The following KCNH7 variants were observed in gnomAD, a reference collection of about 807,000 sequenced individuals.
The protein encoded by KCNH7 is voltage-gated inwardly rectifying potassium channel KCNH7.
In KCNH7, 49 loss-of-function variants were observed where a neutral mutation model predicts 120.8. The observed-to-expected ratio is 0.41, with a 90% CI of 0.32 to 0.51. The LOEUF (loss-of-function observed/expected upper bound fraction) is 0.51. KCNH7 is among the 20% of genes least tolerant of loss of function. The pLI is 0.38. For synonymous variants in KCNH7, 547 were observed against 516.1 expected (o/e 1.06, Z -0.81); for missense variants, 1,097 against 1,446.6 (o/e 0.76, Z 3.92).
At chr2:162,685,541 CAATGGCTCTATG>C (rs1412924169) in intron 2 of KCNH7, among the ~76,000 whole-genome samples, 2 of 151,952 alleles carry the variant, frequency 1.3e-5, no homozygotes, top group Non-Finnish European at 2.9e-5. Context: ...GGATTATTGG[CAATGGCTCTATG>C]ATGAAATCCC....
At chr2:162,407,397 G>T (rs1275978867) in intron 9 of KCNH7, among the ~76,000 whole-genome samples, 2 of 151,984 alleles carry the variant, frequency 1.3e-5, no homozygotes, top group African/African-American at 4.8e-5. Context: ...ATGAGATGTT[G>T]CACTGCTTTC....
chr2:162,614,918 T>G (rs1683093724), intron 2 of KCNH7, among the ~76,000 whole-genome samples: 1 of 152,014 alleles, frequency 6.6e-6, no homozygotes, highest in Admixed American at 6.6e-5. Context: ...CATTTTTGCA[T>G]GTTTAAAATA....
In KCNH7 at chr2:162,601,872, T is replaced by C. The variant is rs1300679373; in HGVS notation, c.308-64792A>G. ...ATTTCCATTCATGTTCTCTGACAAA[T>C]GGATTAATGTCAATTTTAAGAATAA... On this transcript the variant is annotated intron_variant, in intron 2 of 15. Transcript: ENST00000332142. Among the ~76,000 whole-genome samples, 3 of 152,156 alleles carry C rather than the reference T, an allele frequency of 2.0e-5. No individual in the cohort carries two copies. In the East Asian group the frequency reaches 5.8e-4, roughly 29 times the overall value.
intron 2 of KCNH7, among the ~76,000 whole-genome samples, chr2:162,550,353 G>A (rs956770146): frequency 1.2e-4 from 18 of 152,098 alleles, no homozygotes; most frequent in African/African-American, 3.6e-4. Flanking sequence ...GGTGCTACAC[G>A]GATTTCCTTA....
intron 2 of KCNH7, among the ~76,000 whole-genome samples, chr2:162,590,584 C>T (rs1204717978): frequency 6.6e-6 from 1 of 152,082 alleles, no homozygotes; most frequent in Non-Finnish European, 1.5e-5. Flanking sequence ...TCTAGTCTTC[C>T]TCATGCTCAA....
chr2:162,394,947 C>T (rs1010761968), intron 11 of KCNH7, among the ~76,000 whole-genome samples: 1 of 151,718 alleles, frequency 6.6e-6, no homozygotes, highest in East Asian at 1.9e-4. Context: ...TCCTCCATAG[C>T]CTATTAAATA....
At chr2:162,429,186 T>C (rs894745455) in intron 8 of KCNH7, among the ~76,000 whole-genome samples, 9 of 151,780 alleles carry the variant, frequency 5.9e-5, no homozygotes, top group African/African-American at 1.7e-4. Context: ...CTGCTTTAAA[T>C]AGCATAATAC....
At chr2:162,794,860 T>C (rs1332843573) in intron 2 of KCNH7, among the ~76,000 whole-genome samples, 2 of 152,024 alleles carry the variant, frequency 1.3e-5, no homozygotes, top group Non-Finnish European at 2.9e-5. Context: ...CTTATTAATA[T>C]GCATAGAAAC....
chr2:162,570,288 C>T (rs527430714), intron 2 of KCNH7, among the ~76,000 whole-genome samples: 5 of 151,246 alleles, frequency 3.3e-5, no homozygotes, highest in African/African-American at 9.7e-5. Flanking sequence ...TATGTAATGG[C>T]CTTCTTTGTT....
chr2:162,558,176 T>TC (rs1692925823), intron 2 of KCNH7, among the ~76,000 whole-genome samples: 1 of 131,338 alleles, frequency 7.6e-6, no homozygotes, highest in Non-Finnish European at 1.5e-5. Context: ...CTCAAGCCTC[T>TC]TTTTTTTTTT....
chr2:162,432,486 C>A (rs1688102789), intron 8 of KCNH7, among the ~76,000 whole-genome samples: 1 of 152,004 alleles, frequency 6.6e-6, no homozygotes, highest in African/African-American at 2.4e-5. Context: ...AGGGATTTAT[C>A]TAAGCACATT....
chr2:162,419,346 T>C (rs1453348631), intron 9 of KCNH7, among the ~76,000 whole-genome samples: 3 of 150,544 alleles, frequency 2.0e-5, no homozygotes, highest in African/African-American at 7.3e-5. Flanking sequence ...GTTTCTGGAT[T>C]ACCTGAGTTG....
At chr2:162,641,726 A>G (rs565652655) in intron 2 of KCNH7, among the ~76,000 whole-genome samples, 9 of 152,334 alleles carry the variant, frequency 5.9e-5, no homozygotes, top group Non-Finnish European at 8.8e-5. Context: ...GATTACATCA[A>G]TGATAATATT....
At chr2:162,450,035 A>AT in intron 6 of KCNH7, among the ~76,000 whole-genome samples, 1 of 152,142 alleles carries the variant, frequency 6.6e-6, no homozygotes, top group South Asian at 2.1e-4. Context: ...ATCTTAATGT[A>AT]TTTTTTGAAA....
At chr2:162,595,989 G>T (rs1456673053) in intron 2 of KCNH7, among the ~76,000 whole-genome samples, 1 of 151,812 alleles carries the variant, frequency 6.6e-6, no homozygotes, top group African/African-American at 2.4e-5. Context: ...TAAGTGGTAA[G>T]GTTAACTAAC....
chr2:162,375,931 A>T (rs1278774711), intron 14 of KCNH7, among the ~76,000 whole-genome samples: 1 of 151,790 alleles, frequency 6.6e-6, no homozygotes, highest in Non-Finnish European at 1.5e-5. Context: ...GAGGACTCTT[A>T]TACTGAGACT....
chr2:162,577,003 T>C (rs1693692707), intron 2 of KCNH7, among the ~76,000 whole-genome samples: 2 of 151,860 alleles, frequency 1.3e-5, no homozygotes, highest in Admixed American at 1.3e-4. Flanking sequence ...GCTTGAACTC[T>C]TGGGCTCAAG....
intron 2 of KCNH7, among the ~76,000 whole-genome samples, chr2:162,644,047 C>A (rs2105243469): frequency 6.6e-6 from 1 of 152,126 alleles, no homozygotes. Context: ...ACTATCTTTT[C>A]TGTGGTATGT....
chr2:162,761,481 A>G (rs1370700800), intron 2 of KCNH7, among the ~76,000 whole-genome samples: 1 of 152,126 alleles, frequency 6.6e-6, no homozygotes, highest in Non-Finnish European at 1.5e-5. Context: ...CAGCACTAAG[A>G]AAAAATGTTC....
Sources: gnomAD v4.1 joint callset for allele counts (sites outside exome capture counted in the v4.1 genomes callset) on GRCh38, gnomAD v4.1.1 for gene constraint, MANE v1.5 for transcripts, NCBI Gene and HGNC (gene_info 2026-07-23, HGNC 2026-07-21) for gene names.